XKR4: variants seen among roughly 807,000 people sequenced by gnomAD.
XKR4 encodes the protein XK related 4, also known as XK-related protein 4.
In XKR4, 12 loss-of-function variants were observed where a neutral mutation model predicts 53.9. The ratio of observed to expected loss-of-function variants is 0.22; its 90% CI spans 0.14 to 0.36. XKR4 has a LOEUF of 0.36. Among genes scored for constraint, XKR4 ranks in the 10% least tolerant of loss-of-function variants. XKR4 has a pLI of 1.00. For missense variants in XKR4, 799 were observed against 859.5 expected (o/e 0.93, Z 0.88); for synonymous variants, 354 against 362.4 (o/e 0.98, Z 0.26).
chr8:55,356,428 T>C (rs1427693576), intron 1 of XKR4, among the ~76,000 whole-genome samples: 1 of 152,094 alleles, frequency 6.6e-6, no homozygotes, highest in African/African-American at 2.4e-5. Context: ...GCAAGAAATT[T>C]AAAAGGACAT....
intron 1 of XKR4, among the ~76,000 whole-genome samples, chr8:55,201,349 G>C (rs1392827021): frequency 2.0e-5 from 3 of 152,216 alleles, no homozygotes; most frequent in Non-Finnish European, 4.4e-5. Context: ...CCAACAATAG[G>C]TATGGTGACA....
At chr8:55,511,938 C>T (rs1024918462) in intron 2 of XKR4, among the ~76,000 whole-genome samples, 3 of 152,138 alleles carry the variant, frequency 2.0e-5, no homozygotes, top group African/African-American at 7.2e-5. Context: ...CATTGAAATG[C>T]TCCAGAGGGG....
chr8:55,407,034 A>G lies in XKR4; in HGVS notation c.1006+49157A>G, dbSNP rs573676734. 5.9e-5 allele frequency among the ~76,000 whole-genome samples: 9 copies of G among 152,320 alleles called. No homozygotes were observed. In the South Asian group the frequency reaches 1.7e-3, roughly 28 times the overall value. ...CTAAATCCTGGAGCCAGGAAACCAG[A>G]AACATGGCCAAGGACAGCGATCCTT... On this transcript the variant is annotated intron_variant, in intron 2 of 2. Coordinates refer to ENST00000327381, the MANE Select transcript of XKR4 (RefSeq NM_052898.2).
rs1337080726 is a variant in XKR4 at position 55,323,935 on chromosome 8, A to AC, written c.807-33743_807-33742insC. Among the ~76,000 whole-genome samples, 191 of 152,082 alleles carry AC rather than the reference A, an allele frequency of 1.3e-3. 4 individuals carry two copies. Among genetic ancestry groups the AC allele is most frequent in the African/African-American group, 3.5e-3 (146 of 41,454 alleles). On this transcript the variant is annotated intron_variant, in intron 1 of 2. Transcript: ENST00000327381. ...TTGTGTTTTTAAGTTTAATATTTCC[A>AC]TTTAGTTCACTTTTTATTCCTCTGC...
chr8:55,289,699 A>AAGGAAGAAAGAAAG lies in XKR4; in HGVS notation c.807-67977_807-67976insGAAGAAAGAAAGAG, dbSNP rs1563316564. Among the ~76,000 whole-genome samples, 342 of 125,696 alleles carry AAGGAAGAAAGAAAG rather than the reference A, an allele frequency of 2.7e-3. 2 individuals carry two copies. The highest frequency in any genetic ancestry group is 8.9e-3 in the African/African-American group (324 of 36,272). The allele number at this position is 125,696 out of a possible 152,430, so 82.5% of individuals were successfully genotyped here. A position where few individuals can be genotyped will look rare whatever the true frequency, so the allele number is the denominator to read the frequency against. On this transcript the variant is annotated intron_variant, in intron 1 of 2. Coordinates refer to ENST00000327381, the MANE Select transcript of XKR4 (RefSeq NM_052898.2). ...AAAGAGAAAGAAAGAAAGAAAGAGA[A>AAGGAAGAAAGAAAG]AGAAAGAAAGAAAGAGAGAGAAAGA...
At chr8:55,356,252 T>G (rs1205271984) in intron 1 of XKR4, among the ~76,000 whole-genome samples, 1 of 152,224 alleles carries the variant, frequency 6.6e-6, no homozygotes, top group East Asian at 1.9e-4. Context: ...CAACTAATTC[T>G]GATGTGCTTC....
intron 1 of XKR4, among the ~76,000 whole-genome samples, chr8:55,148,224 G>T (rs1202022564): frequency 1.3e-5 from 2 of 152,082 alleles, no homozygotes; most frequent in Admixed American, 1.3e-4. Flanking sequence ...GGACAACATG[G>T]TGTAACCCCG....
intron 1 of XKR4, among the ~76,000 whole-genome samples, chr8:55,270,673 G>A (rs780021383): frequency 6.6e-6 from 1 of 152,200 alleles, no homozygotes; most frequent in Admixed American, 6.5e-5. Flanking sequence ...ATTGGGTAAT[G>A]TAAGCTAAAC....
intron 1 of XKR4, among the ~76,000 whole-genome samples, chr8:55,205,051 G>C (rs979336923): frequency 6.6e-6 from 1 of 152,206 alleles, no homozygotes; most frequent in Admixed American, 6.5e-5. Flanking sequence ...AGTTCCCCAG[G>C]AGGCTTTCCA....
At chr8:55,115,254 TG>T (rs1307826049) in intron 1 of XKR4, among the ~76,000 whole-genome samples, 1 of 152,178 alleles carries the variant, frequency 6.6e-6, no homozygotes, top group African/African-American at 2.4e-5. Context: ...TGGACATTTA[TG>T]GGAAATATGG....
intron 1 of XKR4, among the ~76,000 whole-genome samples, chr8:55,145,925 A>G (rs1816768406): frequency 6.6e-6 from 1 of 152,242 alleles, no homozygotes; most frequent in Non-Finnish European, 1.5e-5. Context: ...AAGTAAAGAC[A>G]TATCACTCAT....
At chr8:55,171,886 T>C (rs1817164005) in intron 1 of XKR4, among the ~76,000 whole-genome samples, 1 of 152,172 alleles carries the variant, frequency 6.6e-6, no homozygotes, top group African/African-American at 2.4e-5. Context: ...GCTTCCCGGC[T>C]GTCCTTCTTG....
chr8:55,331,065 A>G (rs1803377157), intron 1 of XKR4, among the ~76,000 whole-genome samples: 1 of 152,132 alleles, frequency 6.6e-6, no homozygotes, highest in Non-Finnish European at 1.5e-5. Context: ...ACCACCATCC[A>G]TTGCCAGAAC....
intron 1 of XKR4, among the ~76,000 whole-genome samples, chr8:55,257,790 A>C (rs184611767): frequency 3.7e-4 from 57 of 152,354 alleles, no homozygotes; most frequent in Admixed American, 5.2e-4. Flanking sequence ...GAAAAGAGGA[A>C]AACGATTGAT....
intron 2 of XKR4, among the ~76,000 whole-genome samples, chr8:55,374,732 CAG>C (rs1418167559): frequency 6.6e-6 from 1 of 152,128 alleles, no homozygotes; most frequent in East Asian, 1.9e-4. Flanking sequence ...TCTGACAATT[CAG>C]AGACCACAGG....
intron 2 of XKR4, among the ~76,000 whole-genome samples, chr8:55,496,838 C>A (rs2129402909): frequency 6.6e-6 from 1 of 152,252 alleles, no homozygotes; most frequent in African/African-American, 2.4e-5. Flanking sequence ...ATTATAATCC[C>A]ATCATTAGAA....
intron 1 of XKR4, among the ~76,000 whole-genome samples, chr8:55,104,378 T>C (rs1212676570): frequency 6.6e-6 from 1 of 152,178 alleles, no homozygotes; most frequent in African/African-American, 2.4e-5. Flanking sequence ...ATGAGGACAA[T>C]TCCTAGAAAG....
chr8:55,451,389 A>G, intron 2 of XKR4: 1 of 785,732 alleles, frequency 1.3e-6, no homozygotes, highest in Non-Finnish European at 2.1e-6. Context: ...AGAAGCCGCT[A>G]AGTGTGTTGC....
intron 2 of XKR4, among the ~76,000 whole-genome samples, chr8:55,483,451 T>C (rs1174713095): frequency 6.6e-6 from 1 of 152,102 alleles, no homozygotes; most frequent in African/African-American, 2.4e-5. Context: ...AATAAGGTTT[T>C]CGTTGCAAGA....
Sources: allele counts gnomAD v4.1 joint callset (sites outside exome capture counted in the v4.1 genomes callset), GRCh38; gene constraint gnomAD v4.1.1; transcripts MANE v1.5; gene names NCBI Gene and HGNC (gene_info 2026-07-23, HGNC 2026-07-21).